MORN1: variants seen among roughly 807,000 people sequenced by gnomAD.
The protein encoded by MORN1 is MORN repeat containing 1, also known as MORN repeat-containing protein 1.
Under a neutral mutation model 61.9 loss-of-function variants are expected in MORN1, and 67 were observed. That is an observed-to-expected ratio of 1.08 (90% CI 0.89 to 1.33). The LOEUF is 1.33. Ranked by LOEUF, MORN1 falls within the 40% of genes most tolerant of loss-of-function variation. The pLI is 0.00. For synonymous variants in MORN1, 301 were observed against 292.0 expected, an observed-to-expected ratio of 1.03 and a Z score of -0.31; for missense variants, 752 against 691.2, an observed-to-expected ratio of 1.09 and a Z score of -0.99.
chr1:2,385,560 GGGA>G, intron 5 of MORN1: 2 of 348,310 alleles, frequency 5.7e-6, no homozygotes, highest in South Asian at 4.4e-5. Context: ...GGGGGGGGGG[GGGA>G]TGTTTTATCT....
intron 6 of MORN1, 62 bp downstream of exon 6, chr1:2,384,916 G>A (rs896877540): frequency 9.9e-6 from 14 of 1,419,654 alleles, no homozygotes; most frequent in African/African-American, 7.1e-5. Context: ...TACACCCCAC[G>A]CGCCCTGCCC....
chr1:2,321,923 C>T, intron 13 of MORN1: 1 of 811,516 alleles, frequency 1.2e-6, no homozygotes, highest in Non-Finnish European at 1.5e-6. Context: ...CACTGCTGAC[C>T]TGGCTACAGG....
intron 10 of MORN1, among the ~76,000 whole-genome samples, chr1:2,347,634 G>A (rs1439930344): frequency 6.6e-6 from 1 of 152,148 alleles, no homozygotes. Context: ...GGGGGACGGG[G>A]CCACGCAGGT....
chr1:2,330,849 C>T (rs999806886), intron 12 of MORN1, among the ~76,000 whole-genome samples: 10 of 152,230 alleles, frequency 6.6e-5, no homozygotes, highest in African/African-American at 1.7e-4. Flanking sequence ...CCACCCCCAC[C>T]GTTCCTGTGG....
At chr1:2,376,739 G>A (rs748710391) in intron 6 of MORN1, 2 of 152,180 alleles carry the variant, frequency 1.3e-5, no homozygotes, top group Non-Finnish European at 2.9e-5. Context: ...GTCCGGGTGG[G>A]AGGGCTGAGC....
chr1:2,369,360 A>AT, intron 8 of MORN1, among the ~76,000 whole-genome samples: 1 of 151,306 alleles, frequency 6.6e-6, no homozygotes. Context: ...TCTCAGAAAA[A>AT]AAAAAAAAAA....
intron 9 of MORN1, among the ~76,000 whole-genome samples, chr1:2,358,094 G>C (rs951166698): frequency 1.3e-5 from 2 of 152,196 alleles, no homozygotes; most frequent in African/African-American, 4.8e-5. Context: ...GAGTCCTGCA[G>C]CTCAGGCCTC....
chr1:2,349,160 C>T (rs975477642), intron 10 of MORN1, among the ~76,000 whole-genome samples: 22 of 152,306 alleles, frequency 1.4e-4, no homozygotes, highest in African/African-American at 4.1e-4. Flanking sequence ...GACTTGATGG[C>T]TTTGGGACTG....
In MORN1 at chr1:2,321,577, C is replaced by G. The variant is rs747227944; in HGVS notation, c.1300G>C (p.Glu434Gln). ...EEQAAAAHLG[E>Q]YVLMIRDVTT... Reference sequence around the variant, plus strand: ...ACGTCGCGGATCATGAGCACGTACTCCCCTGCAAGGGGCGGGTGGGCTGGT... The same window carrying G: ...ACGTCGCGGATCATGAGCACGTACTGCCCTGCAAGGGGCGGGTGGGCTGGT... Residue 434 changes from glutamate to glutamine, a missense_variant and splice_region_variant, in exon 14 of 14, where the codon GAG becomes CAG. By Grantham distance (29) the Glu-to-Gln change is conservative. Coordinates refer to ENST00000378531, the MANE Select transcript of MORN1 (RefSeq NM_024848.3). 1 of 1,493,230 alleles carries G rather than the reference C, an allele frequency of 6.7e-7. No individual in the cohort carries two copies. Among genetic ancestry groups the G allele is most frequent in the South Asian group, 1.3e-5 (1 of 75,656 alleles). The allele number at this position is 1,493,230 out of a possible 1,614,324, so 92.5% of individuals were successfully genotyped here.
At chr1:2,322,815 G>A in intron 13 of MORN1, 1 of 985,452 alleles carries the variant, frequency 1.0e-6, no homozygotes, top group African/African-American at 1.7e-5. Context: ...CCGGCCACAG[G>A]CCCCATCTGA....
intron 13 of MORN1, chr1:2,322,539 C>T: frequency 2.0e-6 from 2 of 985,190 alleles, no homozygotes; most frequent in Non-Finnish European, 2.4e-6. Flanking sequence ...GTGCTTGGCC[C>T]CGAGTCAGCT....
intron 12 of MORN1, among the ~76,000 whole-genome samples, chr1:2,331,766 G>A (rs1641152385): frequency 6.6e-6 from 1 of 152,108 alleles, no homozygotes; most frequent in Admixed American, 6.5e-5. Context: ...TCCCGCATGC[G>A]CCGTCCTTCT....
In MORN1 at chr1:2,334,106, AAG is replaced by A. The variant is rs1470329866; in HGVS notation, c.1250+2361_1250+2362del. 6.6e-6 allele frequency among the ~76,000 whole-genome samples: 1 copy of A among 151,766 alleles called. No homozygotes were observed. Among genetic ancestry groups the A allele is most frequent in the African/African-American group, 2.4e-5 (1 of 41,336 alleles). Reference sequence around the variant, plus strand: ...CAGGCAGGGTCCCCCACTCTTTCCTAAGAGGGGGCCATCACACAAACACCCAG... The same window carrying A: ...CAGGCAGGGTCCCCCACTCTTTCCTAAGGGGGCCATCACACAAACACCCAG... On this transcript the variant is annotated intron_variant, in intron 12 of 13. Transcript: ENST00000378531. This position sits in a 1 kb window ranked among gnomAD's most constrained non-coding sequence, Gnocchi z 5.4.
chr1:2,341,388 A>G (rs907430750), intron 10 of MORN1, among the ~76,000 whole-genome samples: 2 of 151,978 alleles, frequency 1.3e-5, no homozygotes, highest in South Asian at 4.2e-4. Context: ...ATTAGGCCAA[A>G]CCACTGAAAA....
intron 10 of MORN1, among the ~76,000 whole-genome samples, chr1:2,347,115 A>C (rs1454350977): frequency 1.3e-5 from 2 of 152,150 alleles, no homozygotes. Context: ...CACCCTACCC[A>C]GCTGCACTCT....
chr1:2,356,925 G>T (rs548353257), intron 10 of MORN1, among the ~76,000 whole-genome samples: 1 of 152,300 alleles, frequency 6.6e-6, no homozygotes, highest in East Asian at 1.9e-4. Context: ...GGGGGCTGGG[G>T]GGTTCTGCCG....
intron 12 of MORN1, among the ~76,000 whole-genome samples, chr1:2,329,111 C>T (rs1250981018): frequency 6.6e-6 from 1 of 152,118 alleles, no homozygotes; most frequent in Non-Finnish European, 1.5e-5. Context: ...GGGGTGTTCC[C>T]TGTTTGGGGG....
Position 2,372,523 on chromosome 1 carries a change from C to A in MORN1, c.703G>T (p.Val235Leu). The A allele has an allele frequency of 1.2e-6, 2 of 1,614,030 alleles. No individual in the cohort carries two copies. Among genetic ancestry groups the A allele is most frequent in the Non-Finnish European group, 1.7e-6 (2 of 1,179,992 alleles). ...TGGTCCTGCAGCAGCTGAACGTTCA[C>A]CGAGAAGGGAGACCCTTGGGCCACT... ...MEVAQGSPFS[V>L]NVQLLQDHGE... The change falls in exon 8 of 14, where the codon GTG (valine) becomes TTG (leucine). Residue 235 changes from valine (V) to leucine (L), a missense_variant. Coordinates refer to ENST00000378531, the MANE Select transcript of MORN1 (RefSeq NM_024848.3). This position sits in a 1 kb window ranked among gnomAD's most constrained non-coding sequence, Gnocchi z 5.4.
rs1178176851 is a variant in MORN1 at position 2,387,423 on chromosome 1, C to T, written c.354G>A (p.Arg118=). 1 of 1,612,590 alleles carries T rather than the reference C, an allele frequency of 6.2e-7. No homozygotes were observed. Among genetic ancestry groups the T allele is most frequent in the Non-Finnish European group, 8.5e-7 (1 of 1,179,396 alleles). Residue 118 remains arginine (R), a synonymous_variant, in exon 4 of 14, where the codon CGG becomes CGA. Coordinates refer to ENST00000378531, the MANE Select transcript of MORN1 (RefSeq NM_024848.3). ...CYEGEVSHGM[R]EGHGFLVDRD... is the part of the protein sequence containing the mutation. Reference sequence around the variant, plus strand: ...CGGCTCCTGTGGGCGCCAGACCTTCCCGCATGCCGTGGGAGACCTCCCCTT... The same window carrying T: ...CGGCTCCTGTGGGCGCCAGACCTTCTCGCATGCCGTGGGAGACCTCCCCTT...
Sources: gnomAD v4.1 joint callset for allele counts (sites outside exome capture counted in the v4.1 genomes callset) on GRCh38, gnomAD v4.1.1 for gene constraint, Gnocchi (gnomAD v3.1) non-coding constraint, MANE v1.5 for transcripts, NCBI Gene and HGNC (gene_info 2026-07-23, HGNC 2026-07-21) for gene names.